The following DOCK2 variants were observed in gnomAD, a reference collection of about 807,000 sequenced individuals.
The protein encoded by DOCK2 is dedicator of cytokinesis 2.
In DOCK2, 87 loss-of-function variants were observed where a neutral mutation model predicts 248.9. That is an observed-to-expected ratio of 0.35 (90% CI 0.29 to 0.42). The LOEUF (loss-of-function observed/expected upper bound fraction) is 0.42. Among genes scored for constraint, DOCK2 ranks in the 10% least tolerant of loss-of-function variants. The pLI is 1.00. For missense variants in DOCK2, 1,747 were observed against 2,300.2 expected (o/e 0.76, Z 4.92); for synonymous variants, 805 against 821.6 (o/e 0.98, Z 0.35).
intron 8 of DOCK2, among the ~76,000 whole-genome samples, chr5:169,687,666 GCTT>G (rs1295377790): frequency 2.6e-5 from 4 of 152,162 alleles, no homozygotes; most frequent in African/African-American, 9.7e-5. Flanking sequence ...ACTATATTAA[GCTT>G]CTTCTAACTT....
chr5:169,896,567 TA>T (rs1211436315), intron 27 of DOCK2, among the ~76,000 whole-genome samples: 2 of 152,256 alleles, frequency 1.3e-5, no homozygotes, highest in Admixed American at 6.5e-5. Context: ...GACACACTCA[TA>T]AATCTTTCAG....
intron 22 of DOCK2, among the ~76,000 whole-genome samples, chr5:169,729,364 T>C (rs183136374): frequency 7.0e-4 from 106 of 152,292 alleles, no homozygotes; most frequent in African/African-American, 2.4e-3. Flanking sequence ...TGCTCACTCA[T>C]TGGGCTTGTT....
In DOCK2 at chr5:169,983,288, G is replaced by T. The variant is rs1367723274; in HGVS notation, c.2898+122G>T. On this transcript the variant is annotated intron_variant, in intron 28 of 51. Transcript: ENST00000520908. ...TCTAGATATGACTTAACCAATATTT[G>T]TTGATGAATCACAGACATTTTGGGG... 5.8e-6 allele frequency: 6 copies of T among 1,026,646 alleles called. No individual in the cohort carries two copies. The East Asian group carries it at 1.4e-4, about 25-fold the overall frequency. 63.6% of individuals were successfully genotyped at this position (1,026,646 alleles called of 1,614,324 possible). A position where few individuals can be genotyped will look rare whatever the true frequency, so the allele number is the denominator to read the frequency against.
At chr5:170,066,069 A>C (rs901579011) in intron 44 of DOCK2, among the ~76,000 whole-genome samples, 37 of 149,512 alleles carry the variant, frequency 2.5e-4, no homozygotes, top group Non-Finnish European at 3.5e-4. Context: ...CTCCTGTCTC[A>C]GCCTCCCGAG....
intron 26 of DOCK2, 54 bp from the exon 27 acceptor site, chr5:169,840,703 T>C (rs1769905446): frequency 2.6e-6 from 4 of 1,544,444 alleles, no homozygotes; most frequent in Non-Finnish European, 3.6e-6. Context: ...CTTTGTACAA[T>C]TGTTCAGATG....
intron 8 of DOCK2, among the ~76,000 whole-genome samples, chr5:169,688,284 C>T (rs781263551): frequency 3.4e-4 from 51 of 152,212 alleles, no homozygotes; most frequent in Non-Finnish European, 4.4e-4. Context: ...CCTTTACTCA[C>T]GTTGACTTTG....
chr5:169,781,804 C>G (rs1765729032), intron 25 of DOCK2, among the ~76,000 whole-genome samples: 1 of 152,190 alleles, frequency 6.6e-6, no homozygotes, highest in Non-Finnish European at 1.5e-5. Flanking sequence ...CAGAGAGGGG[C>G]AGCAGTCAGG....
chr5:169,993,732 G>A (rs1348320572), intron 29 of DOCK2, among the ~76,000 whole-genome samples: 1 of 152,230 alleles, frequency 6.6e-6, no homozygotes, highest in Non-Finnish European at 1.5e-5. Context: ...TCCACTGGCA[G>A]CTTCAGTGAG....
At chr5:169,907,910 C>T (rs6871299) in intron 27 of DOCK2, among the ~76,000 whole-genome samples, 51,958 of 152,040 alleles carry the variant, frequency 0.34, 9,593 homozygotes, top group South Asian at 0.41. Context: ...TTGGCCAGTC[C>T]GTGTCGGTAA....
Position 169,711,876 on chromosome 5 carries a change from G to T in DOCK2, c.1483-59G>T, listed in dbSNP as rs1399205603. The T allele has an allele frequency of 3.3e-5, 52 of 1,584,102 alleles. 1 individual carries two copies. The Admixed American group carries it at 3.7e-4, about 11-fold the overall frequency. On this transcript the variant is annotated intron_variant, in intron 15 of 51. Coordinates refer to ENST00000520908, the MANE Select transcript of DOCK2 (RefSeq NM_004946.3). ...GGCTGCTGTGGAAGTGTGTAGGGGG[G>T]TGCAGTGGGGAGGGCCCTTTAACTC...
In DOCK2 at chr5:169,917,227, G is replaced by A. The variant is rs1008266867; in HGVS notation, c.2800-65841G>A. Among the ~76,000 whole-genome samples the A allele has an allele frequency of 2.6e-5, 4 of 152,184 alleles. No individual in the cohort carries two copies. The East Asian group carries it at 7.7e-4, about 29-fold the overall frequency. ...ACCTCATTCTCAGTCATTCTCACTA[G>A]GGTTGATTCCACAACCACATTATAA... On this transcript the variant is annotated intron_variant, in intron 27 of 51. Transcript: ENST00000520908.
At chr5:169,664,725 G>A (rs1249251060) in intron 2 of DOCK2, among the ~76,000 whole-genome samples, 1 of 152,152 alleles carries the variant, frequency 6.6e-6, no homozygotes, top group African/African-American at 2.4e-5. Flanking sequence ...AGAACAGCAT[G>A]AGGGAAATCA....
chr5:169,864,206 G>A (rs1043211937), intron 27 of DOCK2: 6 of 1,365,860 alleles, frequency 4.4e-6, no homozygotes, highest in Non-Finnish European at 5.1e-6. Flanking sequence ...CAGGCCTTAA[G>A]TGCAGTGGAT....
chr5:170,047,948 A>G (rs1055799911), intron 40 of DOCK2, among the ~76,000 whole-genome samples: 3 of 152,206 alleles, frequency 2.0e-5, no homozygotes, highest in Non-Finnish European at 4.4e-5. Flanking sequence ...AGTCGTTCTC[A>G]GGCTTTTTGG....
At chr5:169,947,942 A>G (rs1776511393) in intron 27 of DOCK2, among the ~76,000 whole-genome samples, 2 of 152,210 alleles carry the variant, frequency 1.3e-5, no homozygotes, top group Admixed American at 6.5e-5. Context: ...TGCGTTCTGC[A>G]AAGCTTCACC....
At chr5:169,713,971 T>C in intron 17 of DOCK2, 57 bp from the exon 18 acceptor site, 1 of 1,509,234 alleles carries the variant, frequency 6.6e-7, no homozygotes, top group Non-Finnish European at 8.9e-7. Flanking sequence ...CTGCAGGCTC[T>C]GTGTGGCATT....
At chr5:169,857,472 C>T (rs748457002) in intron 27 of DOCK2, among the ~76,000 whole-genome samples, 18 of 152,182 alleles carry the variant, frequency 1.2e-4, no homozygotes, top group Non-Finnish European at 1.6e-4. Flanking sequence ...CGACACCGTA[C>T]CCGGCCCCTC....
At chr5:169,894,115 T>C (rs1245870615) in intron 27 of DOCK2, among the ~76,000 whole-genome samples, 3 of 152,108 alleles carry the variant, frequency 2.0e-5, no homozygotes, top group African/African-American at 7.2e-5. Flanking sequence ...CTGCCAAAGT[T>C]TTCAAAGCAT....
At chr5:169,667,457 G>A (rs910762096) in intron 2 of DOCK2, among the ~76,000 whole-genome samples, 1 of 152,194 alleles carries the variant, frequency 6.6e-6, no homozygotes, top group Non-Finnish European at 1.5e-5. Context: ...GAGAATGCCT[G>A]TACAACGTTT....
Sources: gnomAD v4.1 joint callset for allele counts (sites outside exome capture counted in the v4.1 genomes callset) on GRCh38, gnomAD v4.1.1 for gene constraint, MANE v1.5 for transcripts, NCBI Gene and HGNC (gene_info 2026-07-23, HGNC 2026-07-21) for gene names.